ATP8A2: variants seen among roughly 807,000 people sequenced by gnomAD.
ATP8A2 encodes ATPase phospholipid transporting 8A2.
In ATP8A2, 100 loss-of-function variants were observed where a neutral mutation model predicts 165.6. That is an observed-to-expected ratio of 0.60 (90% CI 0.51 to 0.71). ATP8A2 has a LOEUF of 0.71. ATP8A2 is among the 30% of genes least tolerant of loss of function. ATP8A2 has a pLI of 0.00. For missense variants in ATP8A2, 1,227 were observed against 1,479.5 expected (o/e 0.83, Z 2.80); for synonymous variants, 543 against 548.8 (o/e 0.99, Z 0.15).
At chr13:25,393,780 T>C (rs1420464226) in intron 1 of ATP8A2, among the ~76,000 whole-genome samples, 1 of 152,230 alleles carries the variant, frequency 6.6e-6, no homozygotes, top group East Asian at 1.9e-4. Context: ...GAGGTTCATT[T>C]TATGTTGTGC....
At chr13:25,461,231 C>T (rs2035495159) in intron 1 of ATP8A2, among the ~76,000 whole-genome samples, 1 of 152,180 alleles carries the variant, frequency 6.6e-6, no homozygotes, top group Non-Finnish European at 1.5e-5. Context: ...TGGAGAGATG[C>T]AGTTTGTGCA....
chr13:25,840,809 G>GTGA (rs112723005), intron 30 of ATP8A2, among the ~76,000 whole-genome samples: 1,620 of 152,318 alleles, frequency 0.011, 29 homozygotes, highest in African/African-American at 0.034. Context: ...GGAAGGATTA[G>GTGA]TGATGGGAAA....
At chr13:25,935,968 A>G (rs902061553) in intron 33 of ATP8A2, among the ~76,000 whole-genome samples, 1 of 152,330 alleles carries the variant, frequency 6.6e-6, no homozygotes, top group Non-Finnish European at 1.5e-5. Context: ...AAAATTTTGA[A>G]TGTTACCATA....
chr13:25,595,426 C>T (rs190873325), intron 24 of ATP8A2, among the ~76,000 whole-genome samples: 82 of 152,238 alleles, frequency 5.4e-4, no homozygotes, highest in African/African-American at 1.9e-3. Context: ...TGGGTGTGGC[C>T]ATAAGATTAA....
chr13:25,795,537 T>G (rs969747993), intron 27 of ATP8A2, among the ~76,000 whole-genome samples: 18 of 152,322 alleles, frequency 1.2e-4, no homozygotes, highest in East Asian at 5.8e-4. Flanking sequence ...TTAAGTGAGC[T>G]TTTCTCAGAA....
chr13:25,603,797 C>T (rs1251947192), intron 24 of ATP8A2, among the ~76,000 whole-genome samples: 7 of 152,136 alleles, frequency 4.6e-5, no homozygotes, highest in Admixed American at 2.6e-4. Context: ...AAGAGGAAGA[C>T]CATAGGAGGA....
intron 2 of ATP8A2, among the ~76,000 whole-genome samples, chr13:25,492,473 A>G (rs1266302269): frequency 2.6e-5 from 4 of 152,160 alleles, no homozygotes; most frequent in Non-Finnish European, 5.9e-5. Context: ...GCTGCTTACA[A>G]AAAAAATTCT....
At chr13:25,950,217 G>A (rs147604380) in intron 33 of ATP8A2, among the ~76,000 whole-genome samples, 1,582 of 152,244 alleles carry the variant, frequency 0.01, 18 homozygotes, top group Admixed American at 0.021. Flanking sequence ...GGTTTCCCAC[G>A]TCACGACCTG....
intron 24 of ATP8A2, among the ~76,000 whole-genome samples, chr13:25,648,089 T>G (rs115548289): frequency 0.015 from 2,321 of 152,276 alleles, 57 homozygotes; most frequent in African/African-American, 0.052. Flanking sequence ...TCCCATAATT[T>G]TCATAGTCTT....
At chr13:25,757,449 A>G (rs1448894206) in intron 25 of ATP8A2, among the ~76,000 whole-genome samples, 1 of 152,044 alleles carries the variant, frequency 6.6e-6, no homozygotes, top group African/African-American at 2.4e-5. Context: ...ACAACACCAA[A>G]GTTGTCACTA....
chr13:25,938,961 G>C (rs1954991252), intron 33 of ATP8A2, among the ~76,000 whole-genome samples: 1 of 151,842 alleles, frequency 6.6e-6, no homozygotes, highest in Non-Finnish European at 1.5e-5. Flanking sequence ...TCTTGCCTCA[G>C]CCTCCCTAGT....
At chr13:25,436,355 G>T (rs2034775926) in intron 1 of ATP8A2, among the ~76,000 whole-genome samples, 2 of 152,074 alleles carry the variant, frequency 1.3e-5, no homozygotes, top group Non-Finnish European at 2.9e-5. Context: ...AAATGAGGAG[G>T]TATGGTAATT....
chr13:25,496,590 A>T (rs1300325228), intron 2 of ATP8A2, among the ~76,000 whole-genome samples: 1 of 152,230 alleles, frequency 6.6e-6, no homozygotes, highest in Non-Finnish European at 1.5e-5. Flanking sequence ...GAACAAACAC[A>T]TGATGAGCAT....
At chr13:25,582,764 C>T (rs1398370458) in intron 23 of ATP8A2, among the ~76,000 whole-genome samples, 1 of 152,176 alleles carries the variant, frequency 6.6e-6, no homozygotes, top group Non-Finnish European at 1.5e-5. Flanking sequence ...GGAATATTCT[C>T]AACATAATCC....
In ATP8A2 at chr13:25,444,473, CT is replaced by C. The variant is rs1476895396; in HGVS notation, c.77-24503del. Among the ~76,000 whole-genome samples, 3 of 152,172 alleles carry C rather than the reference CT, an allele frequency of 2.0e-5. No individual in the cohort carries two copies. The South Asian group carries it at 6.2e-4, about 32-fold the overall frequency. ...TCTTAGAAACCGCCAAAAGAGTTTT[CT>C]AAAGTGGCTGAACTAATTTACATTC... On this transcript the variant is annotated intron_variant, in intron 1 of 36. Coordinates refer to ENST00000381655, the MANE Select transcript of ATP8A2 (RefSeq NM_016529.6).
rs192161992 is a variant in ATP8A2 at position 25,853,033 on chromosome 13, A to G, written c.2957-7162A>G. On this transcript the variant is annotated intron_variant, in intron 30 of 36. Coordinates refer to ENST00000381655, the MANE Select transcript of ATP8A2 (RefSeq NM_016529.6). ...TACTATTTCATGTAGTTGCTAAAGT[A>G]TTAAAGGAGCTAATATGTGTAAAGT... Among the ~76,000 whole-genome samples the G allele has an allele frequency of 1.8e-4, 27 of 152,274 alleles. 1 individual carries two copies. In the East Asian group the frequency reaches 5.0e-3, roughly 28 times the overall value.
chr13:25,584,543 G>A (rs2039866761), intron 23 of ATP8A2, among the ~76,000 whole-genome samples: 1 of 152,184 alleles, frequency 6.6e-6, no homozygotes, highest in Non-Finnish European at 1.5e-5. Flanking sequence ...GCAAGTGCCA[G>A]GCACTATACT....
chr13:25,386,865 CG>C (rs1405365348), intron 1 of ATP8A2, among the ~76,000 whole-genome samples: 6 of 151,250 alleles, frequency 4.0e-5, no homozygotes, highest in Admixed American at 1.3e-4. Flanking sequence ...GGCGTGGTGG[CG>C]GGCACCTGTA....
intron 1 of ATP8A2, among the ~76,000 whole-genome samples, chr13:25,437,259 T>A (rs1248026928): frequency 2.0e-5 from 3 of 152,214 alleles, no homozygotes; most frequent in African/African-American, 7.2e-5. Flanking sequence ...TTAATGAGGT[T>A]ATTTGGAATA....
Sources: allele counts gnomAD v4.1 joint callset (sites outside exome capture counted in the v4.1 genomes callset), GRCh38; gene constraint gnomAD v4.1.1; transcripts MANE v1.5; gene names NCBI Gene and HGNC (gene_info 2026-07-23, HGNC 2026-07-21).